ARHGAP26: variants seen among roughly 807,000 people sequenced by gnomAD.
ARHGAP26 encodes the protein Rho GTPase activating protein 26, also known as rho GTPase-activating protein 26.
A neutral mutation model predicts 104.8 loss-of-function variants in ARHGAP26; 38 were observed. The observed-to-expected ratio is 0.36, with a 90% CI of 0.28 to 0.48. The LOEUF (loss-of-function observed/expected upper bound fraction) is 0.48. Among genes scored for constraint, ARHGAP26 ranks in the 20% least tolerant of loss-of-function variants. The pLI is 0.99. For missense variants in ARHGAP26, 704 were observed against 947.9 expected (o/e 0.74, Z 3.38); for synonymous variants, 341 against 340.0 (o/e 1.00, Z -0.03).
chr5:142,810,192 C>T (rs550300468), intron 1 of ARHGAP26, among the ~76,000 whole-genome samples: 17 of 152,144 alleles, frequency 1.1e-4, no homozygotes, highest in Non-Finnish European at 2.1e-4. Flanking sequence ...GGGAACAGAT[C>T]ACAGAGGGAG....
At chr5:142,771,190 G>GGCGT (rs1349867533) in intron 1 of ARHGAP26, 5 of 1,283,808 alleles carry the variant, frequency 3.9e-6, no homozygotes, top group Non-Finnish European at 3.9e-6. Flanking sequence ...GGTGGGCGTG[G>GGCGT]GCGTGCGCGG....
chr5:143,014,091 G>A lies in ARHGAP26; in HGVS notation c.1119G>A (p.Ser373=), dbSNP rs1779255284. 3.1e-6 allele frequency: 5 copies of A among 1,613,966 alleles called. No individual in the cohort carries two copies. Among genetic ancestry groups the A allele is most frequent in the Non-Finnish European group, 3.4e-6 (4 of 1,180,010 alleles). ...TTTTTATTTTCCAGGTCTACAACTC[G>A]AACAAAGACAGCCAGAGTGAAGGGA... ...AMDGREPVYN[S]NKDSQSEGTA... The change falls in exon 12 of 23, where the codon TCG becomes TCA. Residue 373 remains serine (S), a synonymous_variant. Transcript: ENST00000645722.
intron 5 of ARHGAP26, among the ~76,000 whole-genome samples, chr5:142,887,967 A>AAAAAACC: frequency 6.6e-6 from 1 of 152,330 alleles, no homozygotes; most frequent in Non-Finnish European, 1.5e-5. Context: ...TCTTTCTCAA[A>AAAAAACC]AAAAACCAAA....
At chr5:143,198,736 A>G (rs1359311968) in intron 20 of ARHGAP26, among the ~76,000 whole-genome samples, 3 of 152,214 alleles carry the variant, frequency 2.0e-5, no homozygotes. Flanking sequence ...TAAATCATAG[A>G]ATTACTTACC....
At chr5:143,042,033 C>T (rs1037727258) in intron 14 of ARHGAP26, 143 bp downstream of exon 14, 10 of 687,442 alleles carry the variant, frequency 1.5e-5, no homozygotes, top group Middle Eastern at 3.4e-4. Flanking sequence ...TCTGCCCCAT[C>T]GGTCAGTTGT....
intron 11 of ARHGAP26, among the ~76,000 whole-genome samples, chr5:142,941,643 C>G (rs1766368858): frequency 1.3e-5 from 2 of 152,250 alleles, no homozygotes; most frequent in South Asian, 4.1e-4. Flanking sequence ...GCACTGAAGT[C>G]TTACATTTAA....
intron 11 of ARHGAP26, among the ~76,000 whole-genome samples, chr5:143,001,823 A>G (rs987373352): frequency 7.2e-5 from 11 of 152,208 alleles, no homozygotes; most frequent in African/African-American, 2.7e-4. Flanking sequence ...GCTCAAAGCA[A>G]CAGAATAAAA....
intron 1 of ARHGAP26, chr5:142,866,853 A>G (rs754406310): frequency 1.3e-5 from 2 of 152,090 alleles, no homozygotes; most frequent in African/African-American, 2.4e-5. Flanking sequence ...CCTGGGGGAG[A>G]TAAGAGGTTT....
chr5:143,055,700 TCTC>T (rs1310040759), intron 15 of ARHGAP26, among the ~76,000 whole-genome samples: 1 of 152,220 alleles, frequency 6.6e-6, no homozygotes, highest in Non-Finnish European at 1.5e-5. Flanking sequence ...GTTGCCTGTT[TCTC>T]AGACACATCT....
intron 20 of ARHGAP26, chr5:143,202,897 C>T (rs2151323132): frequency 6.6e-6 from 1 of 152,246 alleles, no homozygotes; most frequent in East Asian, 1.9e-4. Context: ...AACTGGACCC[C>T]TTCCTTACAT....
intron 14 of ARHGAP26, among the ~76,000 whole-genome samples, chr5:143,050,177 G>A (rs868548423): frequency 3.9e-5 from 6 of 152,190 alleles, no homozygotes; most frequent in Admixed American, 6.5e-5. Context: ...CTTCATCTAA[G>A]CTTTGCCTAG....
At chr5:142,918,254 C>A (rs1050654093) in intron 10 of ARHGAP26, among the ~76,000 whole-genome samples, 2 of 152,068 alleles carry the variant, frequency 1.3e-5, no homozygotes, top group Non-Finnish European at 2.9e-5. Context: ...TCAAGCGATT[C>A]TCCTACCTCA....
intron 11 of ARHGAP26, among the ~76,000 whole-genome samples, chr5:142,951,398 T>C (rs1423965079): frequency 6.6e-6 from 1 of 152,134 alleles, no homozygotes; most frequent in Non-Finnish European, 1.5e-5. Flanking sequence ...TAGGGACCTT[T>C]AAGGAAGGCT....
At chr5:142,935,147 T>C (rs1407128872) in intron 11 of ARHGAP26, among the ~76,000 whole-genome samples, 1 of 152,202 alleles carries the variant, frequency 6.6e-6, no homozygotes, top group Non-Finnish European at 1.5e-5. Context: ...TTTATTGGGT[T>C]ACATAACTGA....
At chr5:143,187,958 A>C (rs1805390065) in intron 20 of ARHGAP26, among the ~76,000 whole-genome samples, 1 of 152,286 alleles carries the variant, frequency 6.6e-6, no homozygotes, top group South Asian at 2.1e-4. Flanking sequence ...TTTGAACCCA[A>C]AAATGGAAAA....
At chr5:143,220,886 C>A (rs887600165) in intron 22 of ARHGAP26, among the ~76,000 whole-genome samples, 2 of 151,932 alleles carry the variant, frequency 1.3e-5, no homozygotes, top group Non-Finnish European at 2.9e-5. Context: ...TCTGTTCTTG[C>A]GTCTTTCCCT....
In ARHGAP26 at chr5:143,122,009, C is replaced by CTTA. The variant is rs1796198374; in HGVS notation, c.1698+863_1698+864insTAT. ...ATCTGACCATGCCTCACCACGTACA[C>CTTA]TGATAATGTTGTAAGCCACCACTAC... On this transcript the variant is annotated intron_variant, in intron 18 of 22. Coordinates refer to ENST00000645722, the MANE Select transcript of ARHGAP26 (RefSeq NM_001135608.3). 1.3e-5 allele frequency among the ~76,000 whole-genome samples: 2 copies of CTTA among 152,232 alleles called. 1 individual carries two copies. The highest frequency in any genetic ancestry group is 1.3e-4 in the Admixed American group (2 of 15,288).
chr5:142,816,285 A>G (rs2152051069), intron 1 of ARHGAP26, among the ~76,000 whole-genome samples: 1 of 152,378 alleles, frequency 6.6e-6, no homozygotes, highest in East Asian at 1.9e-4. Context: ...AACTTGGTGC[A>G]TGATCGACAC....
chr5:143,069,492 A>AAGAGTT (rs1787953287), intron 17 of ARHGAP26, among the ~76,000 whole-genome samples: 1 of 152,202 alleles, frequency 6.6e-6, no homozygotes, highest in Non-Finnish European at 1.5e-5. Context: ...TCCTAGTAAA[A>AAGAGTT]AGAGTTATAA....
Sources: allele counts gnomAD v4.1 joint callset (sites outside exome capture counted in the v4.1 genomes callset), GRCh38; gene constraint gnomAD v4.1.1; transcripts MANE v1.5; gene names NCBI Gene and HGNC (gene_info 2026-07-23, HGNC 2026-07-21).